Variants in CCDC150 observed in about 807,000 individuals in gnomAD.
The protein encoded by CCDC150 is coiled-coil domain-containing protein 150.
In CCDC150, 151 loss-of-function variants were observed where a neutral mutation model predicts 156.5. The ratio of observed to expected loss-of-function variants is 0.97; its 90% CI spans 0.85 to 1.10. CCDC150 has a LOEUF of 1.10. Among genes scored for constraint, CCDC150 ranks in the 50% least tolerant of loss-of-function variants. CCDC150 has a pLI of 0.00. For synonymous variants in CCDC150, 452 were observed against 429.4 expected, an observed-to-expected ratio of 1.05 and a Z score of -0.65; for missense variants, 1,312 against 1,268.1, an observed-to-expected ratio of 1.03 and a Z score of -0.53.
chr2:196,660,511 A>G (rs1211642742), intron 5 of CCDC150, among the ~76,000 whole-genome samples: 2 of 152,248 alleles, frequency 1.3e-5, no homozygotes, highest in Admixed American at 6.5e-5. Flanking sequence ...TGCCATTCCA[A>G]TGGGTATGTA....
At chr2:196,724,542 A>G (rs573629420) in intron 21 of CCDC150, among the ~76,000 whole-genome samples, 107 of 152,246 alleles carry the variant, frequency 7.0e-4, no homozygotes, top group Non-Finnish European at 1.4e-3. Flanking sequence ...CTATTACCCT[A>G]TGATGGTGGT....
chr2:196,684,093 A>G (rs1201969786), intron 13 of CCDC150, among the ~76,000 whole-genome samples: 2 of 152,108 alleles, frequency 1.3e-5, no homozygotes, highest in Admixed American at 6.5e-5. Flanking sequence ...ATTGAGAAAT[A>G]TTTCATTTTT....
At chr2:196,665,431 G>C (rs889305710) in intron 5 of CCDC150, 136 bp from the exon 6 acceptor site, 3 of 435,014 alleles carry the variant, frequency 6.9e-6, no homozygotes. Context: ...ACAAAAGCTT[G>C]TTTCTGAGTA....
At chr2:196,695,805 C>T (rs993881019) in intron 14 of CCDC150, among the ~76,000 whole-genome samples, 15 of 142,240 alleles carry the variant, frequency 1.1e-4, no homozygotes, top group Admixed American at 1.0e-3. Flanking sequence ...AGCGAGATTC[C>T]GTCTCAAAAA....
At chr2:196,708,109 TAA>T (rs1696798328) in intron 15 of CCDC150, among the ~76,000 whole-genome samples, 1 of 152,192 alleles carries the variant, frequency 6.6e-6, no homozygotes, top group East Asian at 1.9e-4. Context: ...AGTAGGGTGT[TAA>T]AGTCTCCCAC....
At chr2:196,720,752 A>G in intron 20 of CCDC150, 84 bp downstream of exon 20, 3 of 1,159,174 alleles carry the variant, frequency 2.6e-6, no homozygotes, top group Non-Finnish European at 2.5e-6. Context: ...ATGAAGTGAA[A>G]CTATCAGGTA....
intron 6 of CCDC150, 72 bp downstream of exon 6, chr2:196,665,755 C>T: frequency 1.2e-6 from 1 of 847,126 alleles, no homozygotes; most frequent in Non-Finnish European, 1.8e-6. Flanking sequence ...TACCTATAAA[C>T]TTAAAATTTT....
rs773621249 is a variant in CCDC150 at position 196,656,754 on chromosome 2, C to G, written c.298C>G (p.Leu100Val). 6.2e-7 allele frequency: 1 copy of G among 1,613,844 alleles called. No homozygotes were observed. Among genetic ancestry groups the G allele is most frequent in the Admixed American group, 1.7e-5 (1 of 59,998 alleles). The change falls in exon 3 of 28, where the codon CTG becomes GTG. Residue 100 changes from leucine to valine, a missense_variant. Leu to Val is a conservative substitution (Grantham distance 32). Coordinates refer to ENST00000389175, the MANE Select transcript of CCDC150 (RefSeq NM_001080539.2). ...TATTTTATGGAAGAACTGTGAGTTT[C>G]TGGTAAATCGAATGTGCCGTCTTGA... Reference protein sequence around the residue: ...TDILWKNCEFLVNRMCRLESL... With the variant: ...TDILWKNCEFVVNRMCRLESL...
chr2:196,666,901 T>A (rs756141444), intron 7 of CCDC150, 53 bp downstream of exon 7: 12 of 1,600,778 alleles, frequency 7.5e-6, no homozygotes, highest in Admixed American at 5.0e-5. Flanking sequence ...GGAGATTTCA[T>A]GGAAAAACTC....
At position 196,676,619 on chromosome 2, in the gene CCDC150, C is replaced by T; in HGVS notation, c.1328C>T (p.Ala443Val). The change falls in exon 12 of 28, where the codon GCT becomes GTT. Residue 443 changes from alanine to valine, a missense_variant. Physicochemically the swap from Ala to Val is moderately conservative, Grantham distance 64. Coordinates refer to ENST00000389175, the MANE Select transcript of CCDC150 (RefSeq NM_001080539.2). ...GCACAGGATGCTGAAAAGAGAACAG[C>T]TGTGCAAAAAGAGCTGCTAGAATCA... ...QKAQDAEKRT[A>V]VQKELLESTI... 1.2e-6 allele frequency: 2 copies of T among 1,613,600 alleles called. No homozygotes were observed. The highest frequency in any genetic ancestry group is 1.7e-6 in the Non-Finnish European group (2 of 1,179,626).
intron 8 of CCDC150, among the ~76,000 whole-genome samples, chr2:196,670,172 A>G (rs544408984): frequency 1.1e-3 from 167 of 152,218 alleles, no homozygotes; most frequent in African/African-American, 3.9e-3. Flanking sequence ...AAATATAACT[A>G]CTTTTTGGTG....
Position 196,646,475 on chromosome 2 carries a change from C to T in CCDC150, c.147C>T (p.Asp49=). 2 of 1,613,644 alleles carry T rather than the reference C, an allele frequency of 1.2e-6. No homozygotes were observed. Among genetic ancestry groups the T allele is most frequent in the East Asian group, 2.2e-5 (1 of 44,874 alleles). ...AACAGACCAGTTCACTGAGGGATGA[C>T]CTAATAATGTTGGATTTTGGTGAAA... ...VEEQTSSLRD[D]LIMLDFGEKR... Residue 49 remains aspartate (D), a synonymous_variant, in exon 2 of 28, where the codon GAC becomes GAT. Transcript: ENST00000389175.
intron 1 of CCDC150, among the ~76,000 whole-genome samples, chr2:196,644,317 G>A (rs1692407976): frequency 6.6e-6 from 1 of 152,128 alleles, no homozygotes; most frequent in Non-Finnish European, 1.5e-5. Context: ...TCTTTGGCAT[G>A]ATTTATCTCT....
At chr2:196,665,173 A>G (rs1422537568) in intron 5 of CCDC150, among the ~76,000 whole-genome samples, 1 of 152,182 alleles carries the variant, frequency 6.6e-6, no homozygotes, top group African/African-American at 2.4e-5. Context: ...TGTTGGACAT[A>G]TATTTTACAC....
intron 15 of CCDC150, among the ~76,000 whole-genome samples, chr2:196,703,873 A>G (rs1231964770): frequency 6.6e-6 from 1 of 152,224 alleles, no homozygotes; most frequent in African/African-American, 2.4e-5. Flanking sequence ...TGCTGTTCAT[A>G]TTCCTATAAT....
chr2:196,652,964 G>A (rs1190920695), intron 2 of CCDC150, among the ~76,000 whole-genome samples: 2 of 152,248 alleles, frequency 1.3e-5, no homozygotes, highest in Non-Finnish European at 2.9e-5. Flanking sequence ...TTGAGCCATG[G>A]TGAGAGCTAA....
At chr2:196,704,377 CAAT>C (rs1021370535) in intron 15 of CCDC150, among the ~76,000 whole-genome samples, 1 of 151,990 alleles carries the variant, frequency 6.6e-6, no homozygotes, top group Non-Finnish European at 1.5e-5. Flanking sequence ...CAAATAATAA[CAAT>C]GATGATATGA....
At chr2:196,717,007 C>T (rs1380312542) in intron 17 of CCDC150, among the ~76,000 whole-genome samples, 23 of 149,578 alleles carry the variant, frequency 1.5e-4, no homozygotes, top group African/African-American at 4.9e-4. Context: ...ATTACAGGCG[C>T]CCGCCACCAC....
intron 5 of CCDC150, among the ~76,000 whole-genome samples, chr2:196,660,979 T>G (rs1338466420): frequency 6.6e-6 from 1 of 152,220 alleles, no homozygotes; most frequent in Non-Finnish European, 1.5e-5. Context: ...ATGAAAGGTA[T>G]GAGATCTGTA....
Sources: gnomAD v4.1 joint callset for allele counts (sites outside exome capture counted in the v4.1 genomes callset) on GRCh38, gnomAD v4.1.1 for gene constraint, MANE v1.5 for transcripts, NCBI Gene and HGNC (gene_info 2026-07-23, HGNC 2026-07-21) for gene names.